APOO: variants seen among roughly 807,000 people sequenced by gnomAD.
APOO encodes the protein apolipoprotein O, also known as MICOS complex subunit MIC26.
A neutral mutation model predicts 23.1 loss-of-function variants in APOO; 11 were observed. The observed-to-expected ratio is 0.48, with a 90% CI of 0.30 to 0.79. The LOEUF (loss-of-function observed/expected upper bound fraction) is 0.79. Among genes scored for constraint, APOO ranks in the 30% least tolerant of loss-of-function variants. APOO has a pLI of 0.07. For missense variants in APOO, 160 were observed against 142.7 expected (o/e 1.12, Z -0.62); for synonymous variants, 59 against 54.8 (o/e 1.08, Z -0.34).
chrX:23,861,559 CAA>C (rs1344776442), intron 5 of APOO, among the ~76,000 whole-genome samples: 5 of 39,068 alleles, frequency 1.3e-4, no homozygotes, highest in Admixed American at 1.0e-3. Flanking sequence ...GATCCTGTCT[CAA>C]AAAAAAAAAA....
At chrX:23,897,612 GTTT>G (rs1926955554) in intron 1 of APOO, among the ~76,000 whole-genome samples, 2 of 111,888 alleles carry the variant, frequency 1.8e-5, no homozygotes, top group African/African-American at 6.5e-5. Context: ...TTTACTTCAA[GTTT>G]AGCTTTTCAA....
intron 7 of APOO, among the ~76,000 whole-genome samples, chrX:23,852,550 G>T (rs1467284539): frequency 1.8e-4 from 20 of 108,951 alleles, no homozygotes; most frequent in Non-Finnish European, 3.4e-4. Flanking sequence ...GGAGGCGGAG[G>T]TTGCAGTGAG....
intron 1 of APOO, among the ~76,000 whole-genome samples, chrX:23,893,144 G>A (rs969577095): frequency 6.4e-5 from 7 of 109,578 alleles, no homozygotes; most frequent in Non-Finnish European, 1.1e-4. Context: ...AAGGCCGGGC[G>A]CGGTGGCTCA....
At chrX:23,886,481 T>C (rs1157034996) in intron 1 of APOO, among the ~76,000 whole-genome samples, 2 of 111,582 alleles carry the variant, frequency 1.8e-5, no homozygotes, top group Non-Finnish European at 1.9e-5. Flanking sequence ...CTATGTAAAT[T>C]AGACTTTTTA....
Position 23,902,951 on chromosome X carries a change from T to C in APOO, c.9+4743A>G, listed in dbSNP as rs12558419. On this transcript the variant is annotated intron_variant, in intron 1 of 8. Transcript: ENST00000379226. ...ATCTTTTTGTTCCTTGGTCAGTGCC[T>C]CTCCCAAATCCCACCATGTTCATAA... Among the ~76,000 whole-genome samples the C allele has an allele frequency of 2.4e-4, 27 of 111,577 alleles. No individual in the cohort carries two copies. The Admixed American group carries it at 2.5e-3, about 10-fold the overall frequency.
chrX:23,879,628 T>C (rs1239506686), intron 2 of APOO, among the ~76,000 whole-genome samples: 1 of 112,276 alleles, frequency 8.9e-6, no homozygotes, highest in East Asian at 2.8e-4. Flanking sequence ...TTATCCATTT[T>C]ATATACTGGT....
chrX:23,898,238 A>G (rs1239633509), intron 1 of APOO, among the ~76,000 whole-genome samples: 4 of 108,574 alleles, frequency 3.7e-5, no homozygotes, highest in African/African-American at 1.0e-4. Context: ...AGCTGGGACT[A>G]CAGGCAGGCA....
chrX:23,898,716 C>T (rs1927009031), intron 1 of APOO, among the ~76,000 whole-genome samples: 1 of 111,773 alleles, frequency 8.9e-6, no homozygotes, highest in Non-Finnish European at 1.9e-5. Flanking sequence ...TTCTATCTGC[C>T]AAGTGAGGTA....
chrX:23,873,120 C>T (rs981332763), intron 4 of APOO, among the ~76,000 whole-genome samples: 1 of 109,801 alleles, frequency 9.1e-6, no homozygotes, highest in African/African-American at 3.3e-5. Flanking sequence ...CTGCAGTCAC[C>T]CTACTGTGCT....
At chrX:23,868,725 T>G in intron 4 of APOO, 37 bp from the exon 5 acceptor site, 1 of 1,116,165 alleles carries the variant, frequency 9.0e-7, no homozygotes, top group Middle Eastern at 2.6e-4. Context: ...GTTCCATAAA[T>G]TTCTCATTAA....
intron 5 of APOO, among the ~76,000 whole-genome samples, chrX:23,864,552 T>A (rs1014406774): frequency 2.7e-5 from 3 of 111,711 alleles, no homozygotes; most frequent in African/African-American, 9.8e-5. Flanking sequence ...TACATCCGCC[T>A]TGAACTTCTG....
chrX:23,878,686 G>A (rs923075773), intron 3 of APOO, among the ~76,000 whole-genome samples: 4 of 100,731 alleles, frequency 4.0e-5, no homozygotes, highest in Non-Finnish European at 6.0e-5. Context: ...CAGTCATCCT[G>A]TTGTGCTATC....
At chrX:23,851,190 G>A (rs957753301) in intron 7 of APOO, among the ~76,000 whole-genome samples, 4 of 78,549 alleles carry the variant, frequency 5.1e-5, no homozygotes, top group Non-Finnish European at 8.5e-5. Context: ...GAAAGGCATC[G>A]GTAATTTCCT....
intron 8 of APOO, among the ~76,000 whole-genome samples, chrX:23,838,201 C>A (rs1349115246): frequency 1.0e-5 from 1 of 99,364 alleles, no homozygotes; most frequent in African/African-American, 3.7e-5. Flanking sequence ...CTAAAAAATA[C>A]AAAATTAGCT....
intron 5 of APOO, among the ~76,000 whole-genome samples, chrX:23,868,141 G>A (rs1925428771): frequency 8.9e-6 from 1 of 111,969 alleles, no homozygotes; most frequent in Admixed American, 9.6e-5. Context: ...ATATTTTTAA[G>A]TTGGCATTTG....
intron 3 of APOO, among the ~76,000 whole-genome samples, chrX:23,875,236 A>G (rs1485193657): frequency 1.0e-5 from 1 of 99,417 alleles, no homozygotes; most frequent in Non-Finnish European, 2.1e-5. Flanking sequence ...GGCGTGTCTC[A>G]AAAAAAAAAA....
In APOO at chrX:23,901,503, TTCCCACCTCAATGAATAGA is replaced by T. The variant is rs755893055; in HGVS notation, c.9+6172_9+6190del. On this transcript the variant is annotated intron_variant, in intron 1 of 8. Coordinates refer to ENST00000379226, the MANE Select transcript of APOO (RefSeq NM_024122.5). ...TCCACTTTCCCACCTCAATGAATAGTTCCCACCTCAATGAATAGATCCCACAGTCAAAAGTCAAAAGCCT... is the reference window on the plus strand; with the variant it reads ...TCCACTTTCCCACCTCAATGAATAGTTCCCACAGTCAAAAGTCAAAAGCCT... Among the ~76,000 whole-genome samples, 53 of 111,823 alleles carry T rather than the reference TTCCCACCTCAATGAATAGA, an allele frequency of 4.7e-4. 1 individual carries two copies. In the South Asian group the frequency reaches 0.016, roughly 33 times the overall value.
At chrX:23,856,773 C>T (rs1468438809) in intron 6 of APOO, among the ~76,000 whole-genome samples, 3 of 112,638 alleles carry the variant, frequency 2.7e-5, no homozygotes, top group South Asian at 3.6e-4. Context: ...AGGCTGGTCT[C>T]GAACTCCTGG....
At chrX:23,870,782 C>T (rs773746111) in intron 4 of APOO, among the ~76,000 whole-genome samples, 2 of 104,846 alleles carry the variant, frequency 1.9e-5, no homozygotes, top group Non-Finnish European at 3.9e-5. Flanking sequence ...CTGAATGAGA[C>T]CCTGTCTCCA....
Sources: allele counts gnomAD v4.1 joint callset (sites outside exome capture counted in the v4.1 genomes callset), GRCh38; gene constraint gnomAD v4.1.1; transcripts MANE v1.5; gene names NCBI Gene and HGNC (gene_info 2026-07-23, HGNC 2026-07-21).